Variants in KANK1 observed in about 807,000 individuals in gnomAD.
KANK1 encodes KN motif and ankyrin repeat domain-containing protein 1.
Under a neutral mutation model 106.2 loss-of-function variants are expected in KANK1, and 109 were observed. That is an observed-to-expected ratio of 1.03 (90% CI 0.88 to 1.20). KANK1 has a LOEUF of 1.20. Among genes scored for constraint, KANK1 ranks in the 50% most tolerant of loss-of-function variants. KANK1 has a pLI of 0.00. For missense variants in KANK1, 2,399 were observed against 1,710.7 expected (o/e 1.40, Z -7.10); for synonymous variants, 873 against 652.2 (o/e 1.34, Z -5.16).
intron 1 of KANK1, among the ~76,000 whole-genome samples, chr9:642,817 C>G (rs62530087): frequency 0.28 from 41,582 of 148,938 alleles, 7,396 homozygotes; most frequent in African/African-American, 0.44. Context: ...GAAAGTTAGT[C>G]CTTCCTTTTG....
chr9:540,443 T>TA (rs2060535808), intron 1 of KANK1: 1 of 152,222 alleles, frequency 6.6e-6, no homozygotes, highest in Non-Finnish European at 1.5e-5. Context: ...TTGCTGGTAT[T>TA]ATATTGAGGA....
At chr9:703,086 G>C (rs529051594) in intron 2 of KANK1, among the ~76,000 whole-genome samples, 1 of 152,052 alleles carries the variant, frequency 6.6e-6, no homozygotes, top group African/African-American at 2.4e-5. Context: ...CCGCCTCCCA[G>C]GTTCAAGCGA....
chr9:528,339 T>A (rs2133419313), intron 1 of KANK1, among the ~76,000 whole-genome samples: 1 of 152,126 alleles, frequency 6.6e-6, no homozygotes, highest in South Asian at 2.1e-4. Flanking sequence ...ATGTTGGTGG[T>A]CCTTCTGGGC....
chr9:720,952 G>A (rs1216671868), intron 3 of KANK1, among the ~76,000 whole-genome samples: 1 of 152,002 alleles, frequency 6.6e-6, no homozygotes, highest in East Asian at 1.9e-4. Flanking sequence ...CTAGAGGGGA[G>A]TCTAAATTCT....
At position 545,724 on chromosome 9, in the gene KANK1, C is replaced by CTT. The variant is rs61622402; in HGVS notation, c.-84+40996_-84+40997dup. On this transcript the variant is annotated intron_variant, in intron 1 of 11. Coordinates refer to ENST00000382297, the MANE Select transcript of KANK1 (RefSeq NM_015158.5). ...GCAGTACTGTTGGCCTGTACAGAGCCTTTTTTTTTTTTTTTTTTTTTTTTT... is the reference window on the plus strand; with the variant it reads ...GCAGTACTGTTGGCCTGTACAGAGCCTTTTTTTTTTTTTTTTTTTTTTTTTTT... Among the ~76,000 whole-genome samples the CTT allele has an allele frequency of 2.1e-3, 217 of 102,672 alleles. 4 individuals are homozygous for CTT. Among genetic ancestry groups the CTT allele is most frequent in the African/African-American group, 6.8e-3 (164 of 24,290 alleles). 67.4% of individuals were successfully genotyped at this position (102,672 alleles called of 152,430 possible). A position where few individuals can be genotyped will look rare whatever the true frequency, so the allele number is the denominator to read the frequency against.
Position 654,311 on chromosome 9 carries a change from G to T in KANK1, c.-83-22579G>T, listed in dbSNP as rs547866493. Reference sequence around the variant, plus strand: ...GAGAATAACAGTCTTAGAAGGCAGGGTGTTTTCCAAATTTTGCTGAAGACA... The same window carrying T: ...GAGAATAACAGTCTTAGAAGGCAGGTTGTTTTCCAAATTTTGCTGAAGACA... On this transcript the variant is annotated intron_variant, in intron 1 of 11. Coordinates refer to ENST00000382297, the MANE Select transcript of KANK1 (RefSeq NM_015158.5). Among the ~76,000 whole-genome samples, 180 of 152,272 alleles carry T rather than the reference G, an allele frequency of 1.2e-3. 1 individual carries two copies. Among genetic ancestry groups the T allele is most frequent in the African/African-American group, 4.1e-3 (170 of 41,522 alleles).
At chr9:485,869 C>CAAAAAAA (rs58910749) in intron 3 of KANK1, among the ~76,000 whole-genome samples, 1 of 98,292 alleles carries the variant, frequency 1.0e-5, no homozygotes, top group Non-Finnish European at 2.5e-5. Flanking sequence ...AGAATTGTCT[C>CAAAAAAA]AAAAAAAAAA....
intron 1 of KANK1, among the ~76,000 whole-genome samples, chr9:658,471 GA>G (rs147565258): frequency 0.047 from 7,016 of 150,608 alleles, 431 homozygotes; most frequent in East Asian, 0.22. Context: ...ACCTTTTAAA[GA>G]AAAAAAAAGA....
At chr9:527,340 C>T (rs1305061300) in intron 1 of KANK1, among the ~76,000 whole-genome samples, 3 of 151,704 alleles carry the variant, frequency 2.0e-5, no homozygotes, top group South Asian at 2.1e-4. Context: ...TCACTCTTGT[C>T]GCCCTGGCTG....
chr9:559,887 G>A (rs1382440501), intron 1 of KANK1, among the ~76,000 whole-genome samples: 2 of 152,082 alleles, frequency 1.3e-5, no homozygotes, highest in African/African-American at 4.8e-5. Flanking sequence ...TCTTCCTTCT[G>A]CTGGCTAGTG....
chr9:626,615 C>T (rs1834408368), intron 1 of KANK1, among the ~76,000 whole-genome samples: 2 of 152,170 alleles, frequency 1.3e-5, no homozygotes, highest in Admixed American at 1.3e-4. Flanking sequence ...TAAATACTGC[C>T]AACATCTGGC....
At chr9:618,311 A>C (rs1459394570) in intron 1 of KANK1, among the ~76,000 whole-genome samples, 1 of 152,050 alleles carries the variant, frequency 6.6e-6, no homozygotes, top group Non-Finnish European at 1.5e-5. Flanking sequence ...TGGTTCAAGC[A>C]ATTCTCCTGC....
chr9:576,166 A>C (rs1231027004), intron 1 of KANK1, among the ~76,000 whole-genome samples: 1 of 152,206 alleles, frequency 6.6e-6, no homozygotes, highest in Non-Finnish European at 1.5e-5. Flanking sequence ...GTGGGAGTCT[A>C]GGAATCTGTG....
chr9:523,440 C>A (rs563374431), intron 1 of KANK1, among the ~76,000 whole-genome samples: 2 of 151,910 alleles, frequency 1.3e-5, no homozygotes, highest in East Asian at 3.9e-4. Flanking sequence ...TACCTGGACT[C>A]TCTGCTTCCC....
At chr9:682,859 G>C (rs1817844173) in intron 2 of KANK1, among the ~76,000 whole-genome samples, 1 of 152,198 alleles carries the variant, frequency 6.6e-6, no homozygotes, top group South Asian at 2.1e-4. Context: ...CAGCCAGACA[G>C]AGCCAGGCTC....
chr9:563,681 A>T (rs552611879), intron 1 of KANK1, among the ~76,000 whole-genome samples: 28 of 152,268 alleles, frequency 1.8e-4, no homozygotes, highest in African/African-American at 6.3e-4. Context: ...TGAGTCCAGA[A>T]TTGTAGTTAT....
At chr9:515,220 C>G (rs892191783) in intron 1 of KANK1, among the ~76,000 whole-genome samples, 1 of 151,516 alleles carries the variant, frequency 6.6e-6, no homozygotes, top group African/African-American at 2.4e-5. Flanking sequence ...TGGCGGGAGC[C>G]TGTAGTCCCA....
chr9:648,017 T>A (rs1840075027), intron 1 of KANK1, among the ~76,000 whole-genome samples: 1 of 147,200 alleles, frequency 6.8e-6, no homozygotes, highest in Non-Finnish European at 1.5e-5. Flanking sequence ...TTTTTTTTTT[T>A]TTGATACAGA....
At chr9:635,311 T>C (rs559692608) in intron 1 of KANK1, among the ~76,000 whole-genome samples, 50 of 152,274 alleles carry the variant, frequency 3.3e-4, no homozygotes, top group Admixed American at 1.2e-3. Context: ...CATGGAACTT[T>C]CCTTGCGCAC....
Sources: gnomAD v4.1 joint callset for allele counts (sites outside exome capture counted in the v4.1 genomes callset) on GRCh38, gnomAD v4.1.1 for gene constraint, MANE v1.5 for transcripts, NCBI Gene and HGNC (gene_info 2026-07-23, HGNC 2026-07-21) for gene names.